Variants in APBA3 observed in about 807,000 individuals in gnomAD.
The protein encoded by APBA3 is amyloid beta precursor protein binding family A member 3.
A neutral mutation model predicts 55.9 loss-of-function variants in APBA3; 45 were observed. The observed-to-expected ratio is 0.80, with a 90% CI of 0.63 to 1.03. APBA3 has a LOEUF of 1.03. APBA3 is among the 50% of genes least tolerant of loss of function. The probability of loss-of-function intolerance (pLI) is 0.00; values close to 1 mark genes in which losing one functional copy is unlikely to be tolerated. For synonymous variants in APBA3, 370 were observed against 353.3 expected, an observed-to-expected ratio of 1.05 and a Z score of -0.53; for missense variants, 865 against 820.3, an observed-to-expected ratio of 1.05 and a Z score of -0.67.
Position 3,752,688 on chromosome 19 carries a change from C to G in APBA3, c.1215G>C (p.Leu405=), listed in dbSNP as rs756228747. The change falls in exon 8 of 11, where the codon CTG becomes CTC. Residue 405 remains leucine (L), a synonymous_variant. Transcript: ENST00000316757. ...AGCCCGACTCCACCAGGGCCACGCC[C>G]AGGCCCTCCCCTCGCCGCTTCTCGA... ...VHLEKRRGEG[L]GVALVESGWG... 4.4e-6 allele frequency: 7 copies of G among 1,594,634 alleles called. No individual in the cohort carries two copies. In the South Asian group the frequency reaches 6.7e-5, roughly 15 times the overall value.
chr19:3,758,241 A>G (rs1378365392), intron 3 of APBA3, among the ~76,000 whole-genome samples: 1 of 151,710 alleles, frequency 6.6e-6, no homozygotes, highest in Non-Finnish European at 1.5e-5. Context: ...GCTTATGCAC[A>G]CTGAAATTTG....
chr19:3,756,802 G>A (rs2037084137), intron 3 of APBA3: 1 of 152,000 alleles, frequency 6.6e-6, no homozygotes, highest in Non-Finnish European at 1.5e-5. Context: ...ATCACATATG[G>A]CTCACGTTGT....
rs372000168 is a variant in APBA3 at position 3,752,622 on chromosome 19, C to T, written c.1281G>A (p.Leu427=). The change falls in exon 8 of 11, where the codon CTG becomes CTA. Residue 427 remains leucine, a synonymous_variant. Coordinates refer to ENST00000316757, the MANE Select transcript of APBA3 (RefSeq NM_004886.4). ...LLPTAVIANL[L]HGGPAERSGA... is the part of the protein sequence containing the mutation. Reference sequence around the variant, plus strand: ...CCGAGCGCTCAGCAGGCCCCCCGTGCAGCAGGTTGGCGATGACGGCTGTGG... The same window carrying T: ...CCGAGCGCTCAGCAGGCCCCCCGTGTAGCAGGTTGGCGATGACGGCTGTGG... 4.1e-5 allele frequency: 65 copies of T among 1,587,734 alleles called. No homozygotes were observed. The highest frequency in any genetic ancestry group is 3.3e-4 in the Middle Eastern group (2 of 6,042).
chr19:3,754,104 G>A lies in APBA3; in HGVS notation c.764C>T (p.Ala255Val), dbSNP rs368597663. 5 of 1,601,152 alleles carry A rather than the reference G, an allele frequency of 3.1e-6. No individual in the cohort carries two copies. Among genetic ancestry groups the A allele is most frequent in the South Asian group, 1.1e-5 (1 of 89,160 alleles). Reference protein sequence around the residue: ...QAREAMDRVKAPDGETQPMTE... With the variant: ...QAREAMDRVKVPDGETQPMTE... ...CATGGGCTGGGTCTCCCCATCGGGG[G>A]CCTGTGGGTGGCGGCGTGGGAGGTG... is the stretch of plus-strand genomic sequence containing the variant. Residue 255 changes from alanine (A) to valine (V), a missense_variant and splice_region_variant, in exon 5 of 11, where the codon GCC becomes GTC. Ala to Val is a moderately conservative substitution (Grantham distance 64, BLOSUM62 0). Coordinates refer to ENST00000316757, the MANE Select transcript of APBA3 (RefSeq NM_004886.4).
At chr19:3,753,954 G>A in intron 5 of APBA3, 28 bp from the exon 6 acceptor site, 1 of 1,561,032 alleles carries the variant, frequency 6.4e-7, no homozygotes, top group East Asian at 2.4e-5. Context: ...GCCTGGGTGG[G>A]TTGGGGGGCC....
At chr19:3,760,607 G>A (rs1365961667) in intron 1 of APBA3, among the ~76,000 whole-genome samples, 2 of 152,042 alleles carry the variant, frequency 1.3e-5, no homozygotes, top group Admixed American at 6.6e-5. Context: ...AAATTAGCCA[G>A]GTGTGGTGGC....
chr19:3,759,677 G>A lies in APBA3; in HGVS notation c.576+12C>T, dbSNP rs774534620. ...GCAGTCCAGGATGCCTGGAGGGCGG[G>A]GCGGGCACTACCTGGGCACCAGCGG... On this transcript the variant is annotated intron_variant, in intron 2 of 10. Coordinates refer to ENST00000316757, the MANE Select transcript of APBA3 (RefSeq NM_004886.4). The A allele has an allele frequency of 6.2e-7, 1 of 1,611,280 alleles. No individual in the cohort carries two copies. Among genetic ancestry groups the A allele is most frequent in the Non-Finnish European group, 8.5e-7 (1 of 1,179,296 alleles).
At chr19:3,751,827 G>T in intron 8 of APBA3, 1 of 480,018 alleles carries the variant, frequency 2.1e-6, no homozygotes, top group Non-Finnish European at 3.7e-6. Flanking sequence ...GTAAGAGGCT[G>T]CACGGACTGT....
At chr19:3,757,112 G>GT (rs112010117) in intron 3 of APBA3, among the ~76,000 whole-genome samples, 2,574 of 146,748 alleles carry the variant, frequency 0.018, 65 homozygotes, top group African/African-American at 0.059. Flanking sequence ...CCACAGAACT[G>GT]TTTTTTTTTT....
At chr19:3,754,781 C>G (rs543901172) in intron 3 of APBA3, 178 of 158,090 alleles carry the variant, frequency 1.1e-3, no homozygotes, top group African/African-American at 4.2e-3. Context: ...ATTCTCCTGC[C>G]TCAGTCTCAT....
rs780620031 is a variant in APBA3 at position 3,753,795 on chromosome 19, C to A, written c.981G>T (p.Lys327Asn). ...CCGCGTAGAATACGTGGCAGAGCAT[C>A]TTGTAGAGGCGGCGGCCGTGGTCCT... is the stretch of plus-strand genomic sequence containing the variant. ...APQDHGRRLY[K>N]MLCHVFYAED... The change falls in exon 6 of 11, where the codon AAG becomes AAT. Residue 327 changes from lysine (K) to asparagine (N), a missense_variant. Coordinates refer to ENST00000316757, the MANE Select transcript of APBA3 (RefSeq NM_004886.4). 4 of 1,571,348 alleles carry A rather than the reference C, an allele frequency of 2.5e-6. No homozygotes were observed. Among genetic ancestry groups the A allele is most frequent in the African/African-American group, 2.7e-5 (2 of 74,234 alleles).
At chr19:3,753,966 T>C in intron 5 of APBA3, 40 bp from the exon 6 acceptor site, 1 of 1,569,126 alleles carries the variant, frequency 6.4e-7, no homozygotes, top group Non-Finnish European at 8.6e-7. Context: ...TGGGGGGCCG[T>C]GCCAGGCTCG....
chr19:3,754,617 A>G (rs2037054374), intron 3 of APBA3: 1 of 419,874 alleles, frequency 2.4e-6, no homozygotes, highest in Non-Finnish European at 4.2e-6. Flanking sequence ...ACCCACAGAT[A>G]CCTTCACCCC....
intron 6 of APBA3, chr19:3,753,287 C>T (rs1043919003): frequency 1.9e-5 from 9 of 478,288 alleles, no homozygotes; most frequent in African/African-American, 9.8e-5. Flanking sequence ...CCTGGGGCCT[C>T]ATGGGTGGCA....
chr19:3,751,577 T>C, intron 8 of APBA3, 24 bp from the exon 9 acceptor site: 1 of 1,569,996 alleles, frequency 6.4e-7, no homozygotes. Context: ...GCCGTTGGCC[T>C]CACTCAGCTG....
rs763269469 is a variant in APBA3 at position 3,754,002 on chromosome 19, G to A, written c.849+17C>T. On this transcript the variant is annotated intron_variant, in intron 5 of 10. Transcript: ENST00000316757. ...ATCACCCCACCCGCATCCCTGGGGC[G>A]GGTCCCTGCCCCGTACCTGGGAGTC... is the stretch of plus-strand genomic sequence containing the variant. 46 of 1,602,294 alleles carry A rather than the reference G, an allele frequency of 2.9e-5. No individual in the cohort carries two copies. The highest frequency in any genetic ancestry group is 1.2e-4 in the Admixed American group (7 of 58,760).
chr19:3,758,030 G>A (rs575454023), intron 3 of APBA3, among the ~76,000 whole-genome samples: 10 of 152,172 alleles, frequency 6.6e-5, no homozygotes, highest in South Asian at 4.1e-4. Flanking sequence ...CGCCTCCCGG[G>A]TTCATGTGAT....
chr19:3,757,844 T>A (rs2145724068), intron 3 of APBA3, among the ~76,000 whole-genome samples: 1 of 152,366 alleles, frequency 6.6e-6, no homozygotes. Flanking sequence ...GCTACTCACC[T>A]CTGCCATTCG....
At chr19:3,752,792 G>A in intron 7 of APBA3, 28 bp downstream of exon 7, 4 of 1,610,736 alleles carry the variant, frequency 2.5e-6, no homozygotes, top group Non-Finnish European at 3.4e-6. Flanking sequence ...GGGGGCACCA[G>A]GTGGGGGCTG....
Sources: gnomAD v4.1 joint callset for allele counts (sites outside exome capture counted in the v4.1 genomes callset) on GRCh38, gnomAD v4.1.1 for gene constraint, MANE v1.5 for transcripts, NCBI Gene and HGNC (gene_info 2026-07-23, HGNC 2026-07-21) for gene names.